The following VAV3 variants were observed in gnomAD, a reference collection of about 807,000 sequenced individuals.
The protein encoded by VAV3 is guanine nucleotide exchange factor VAV3.
Under a neutral mutation model 131.2 loss-of-function variants are expected in VAV3, and 94 were observed. That is an observed-to-expected ratio of 0.72 (90% CI 0.61 to 0.85). The LOEUF (loss-of-function observed/expected upper bound fraction) is 0.85. VAV3 is among the 40% of genes least tolerant of loss of function. The pLI, the probability that VAV3 is intolerant of heterozygous loss-of-function variation, is 0.00. For missense variants in VAV3, 939 were observed against 1,002.7 expected, an observed-to-expected ratio of 0.94 and a Z score of 0.86; for synonymous variants, 349 against 342.0, an observed-to-expected ratio of 1.02 and a Z score of -0.22.
intron 25 of VAV3, chr1:107,576,488 A>C: frequency 3.3e-6 from 5 of 1,500,676 alleles, no homozygotes; most frequent in Non-Finnish European, 4.4e-6. Context: ...TTGAGAAAGA[A>C]AGAAAAAGAG....
Position 107,755,627 on chromosome 1 carries a change from C to T in VAV3, c.1087-114G>A, listed in dbSNP as rs969788782. The T allele has an allele frequency of 4.2e-6, 3 of 709,212 alleles. No homozygotes were observed. In the African/African-American group the frequency reaches 5.4e-5, roughly 13 times the overall value. 43.9% of individuals were successfully genotyped at this position (709,212 alleles called of 1,614,324 possible). A position where few individuals can be genotyped will look rare whatever the true frequency, so the allele number is the denominator to read the frequency against. ...TTAGTGGTAAAAGTAACCACTGTAA[C>T]TTTTCAAAGACAGTAAAATGAATGC... On this transcript the variant is annotated intron_variant, in intron 11 of 26. Coordinates refer to ENST00000370056, the MANE Select transcript of VAV3 (RefSeq NM_006113.5).
intron 21 of VAV3, among the ~76,000 whole-genome samples, chr1:107,617,331 C>T (rs1392810762): frequency 1.3e-5 from 2 of 152,092 alleles, no homozygotes; most frequent in African/African-American, 2.4e-5. Flanking sequence ...ACCTTTTAGA[C>T]TACTTAGTTA....
chr1:107,598,549 T>C (rs1341392868), intron 24 of VAV3, among the ~76,000 whole-genome samples: 2 of 152,210 alleles, frequency 1.3e-5, no homozygotes, highest in African/African-American at 2.4e-5. Context: ...TGGGCCCAGA[T>C]AATGTGGGTC....
intron 19 of VAV3, among the ~76,000 whole-genome samples, chr1:107,646,379 G>C (rs1655737054): frequency 6.6e-6 from 1 of 152,028 alleles, no homozygotes; most frequent in Non-Finnish European, 1.5e-5. Context: ...TGTGTTAGCT[G>C]AGTTACAGTG....
chr1:107,867,769 T>C (rs552116323), intron 2 of VAV3, among the ~76,000 whole-genome samples: 1 of 152,216 alleles, frequency 6.6e-6, no homozygotes, highest in East Asian at 1.9e-4. Flanking sequence ...CTGGCTAATT[T>C]GTGGGAAAAT....
chr1:107,577,904 G>A (rs1037734836), intron 25 of VAV3, among the ~76,000 whole-genome samples: 2 of 152,180 alleles, frequency 1.3e-5, no homozygotes, highest in African/African-American at 4.8e-5. Flanking sequence ...GTGACAAAAA[G>A]TTTTCTACAG....
chr1:107,759,220 A>G (rs1028847473), intron 10 of VAV3, among the ~76,000 whole-genome samples: 6 of 152,334 alleles, frequency 3.9e-5, no homozygotes, highest in African/African-American at 1.4e-4. Context: ...CCATACAAAA[A>G]TCTTTAATGA....
intron 1 of VAV3, among the ~76,000 whole-genome samples, chr1:107,877,526 T>G (rs537252192): frequency 6.6e-6 from 1 of 152,276 alleles, no homozygotes; most frequent in South Asian, 2.1e-4. Context: ...ATATGAAATA[T>G]TGCATGCACA....
At chr1:107,793,568 G>T (rs1293323438) in intron 2 of VAV3, among the ~76,000 whole-genome samples, 1 of 152,174 alleles carries the variant, frequency 6.6e-6, no homozygotes, top group Non-Finnish European at 1.5e-5. Flanking sequence ...GGGAACGGCT[G>T]AGTGGCAGAC....
chr1:107,690,485 G>A (rs1659356254), intron 17 of VAV3, among the ~76,000 whole-genome samples: 1 of 152,144 alleles, frequency 6.6e-6, no homozygotes. Context: ...ATCCATCATA[G>A]AACACCAGAG....
At chr1:107,935,700 T>C (rs867685684) in intron 1 of VAV3, among the ~76,000 whole-genome samples, 1 of 151,974 alleles carries the variant, frequency 6.6e-6, no homozygotes, top group East Asian at 1.9e-4. Flanking sequence ...GTGTGCACCA[T>C]GACAAAGGGG....
intron 2 of VAV3, among the ~76,000 whole-genome samples, chr1:107,851,144 CTTGGGAGAAAGAGT>C (rs1276340179): frequency 3.6e-5 from 5 of 138,416 alleles, no homozygotes; most frequent in African/African-American, 1.1e-4. Flanking sequence ...TGCAGTCCAG[CTTGGGAGAAAGAGT>C]GAGACTCCGT....
chr1:107,679,870 A>G (rs948223577), intron 19 of VAV3, among the ~76,000 whole-genome samples: 1 of 152,214 alleles, frequency 6.6e-6, no homozygotes, highest in Non-Finnish European at 1.5e-5. Flanking sequence ...CTTAGGAAGA[A>G]AAGTACAAAC....
chr1:107,908,728 G>C (rs1454369053), intron 1 of VAV3, among the ~76,000 whole-genome samples: 1 of 151,750 alleles, frequency 6.6e-6, no homozygotes, highest in Non-Finnish European at 1.5e-5. Context: ...AACAACAGGG[G>C]TAAGATGTGA....
At chr1:107,597,216 A>G (rs1651465767) in intron 24 of VAV3, among the ~76,000 whole-genome samples, 1 of 110,284 alleles carries the variant, frequency 9.1e-6, no homozygotes, top group South Asian at 2.8e-4. Flanking sequence ...GCCTTTTTAA[A>G]AATAAAAAAT....
At chr1:107,872,247 T>A (rs1216451897) in intron 2 of VAV3, among the ~76,000 whole-genome samples, 2 of 152,128 alleles carry the variant, frequency 1.3e-5, no homozygotes, top group Non-Finnish European at 1.5e-5. Context: ...TTCACAAGAG[T>A]ATTATGACAA....
At chr1:107,610,991 T>C (rs1269124518) in intron 21 of VAV3, among the ~76,000 whole-genome samples, 1 of 152,198 alleles carries the variant, frequency 6.6e-6, no homozygotes, top group Non-Finnish European at 1.5e-5. Context: ...GTCTTCATAA[T>C]GTGCTGTTAC....
intron 20 of VAV3, among the ~76,000 whole-genome samples, chr1:107,624,106 CAAAA>C (rs1296925204): frequency 1.3e-5 from 2 of 151,528 alleles, no homozygotes; most frequent in Non-Finnish European, 2.9e-5. Context: ...ATGGAAGTGT[CAAAA>C]ACCCTTAAAA....
intron 20 of VAV3, among the ~76,000 whole-genome samples, chr1:107,634,235 C>T (rs1654731625): frequency 6.6e-6 from 1 of 152,126 alleles, no homozygotes; most frequent in Non-Finnish European, 1.5e-5. Flanking sequence ...TACAAGGCTA[C>T]AGTAACCAAA....
Sources: gnomAD v4.1 joint callset for allele counts (sites outside exome capture counted in the v4.1 genomes callset) on GRCh38, gnomAD v4.1.1 for gene constraint, MANE v1.5 for transcripts, NCBI Gene and HGNC (gene_info 2026-07-23, HGNC 2026-07-21) for gene names.